Variants in SREBF1 observed in about 807,000 individuals in gnomAD.
SREBF1 encodes sterol regulatory element-binding protein 1.
A neutral mutation model predicts 100.1 loss-of-function variants in SREBF1; 45 were observed. The ratio of observed to expected loss-of-function variants is 0.45; its 90% CI spans 0.35 to 0.58. The LOEUF (loss-of-function observed/expected upper bound fraction) is 0.58. Among genes scored for constraint, SREBF1 ranks in the 20% least tolerant of loss-of-function variants. The pLI is 0.00. For synonymous variants in SREBF1, 657 were observed against 681.8 expected, an observed-to-expected ratio of 0.96 and a Z score of 0.57; for missense variants, 1,324 against 1,539.4, an observed-to-expected ratio of 0.86 and a Z score of 2.34.
chr17:17,822,934 A>C lies in SREBF1; in HGVS notation c.92-2413T>G, dbSNP rs559111955. Among the ~76,000 whole-genome samples the C allele has an allele frequency of 3.3e-5, 5 of 152,254 alleles. No individual in the cohort carries two copies. The East Asian group carries it at 9.7e-4, about 29-fold the overall frequency. On this transcript the variant is annotated intron_variant, in intron 1 of 18. Coordinates refer to ENST00000261646, the MANE Select transcript of SREBF1 (RefSeq NM_004176.5). Reference sequence around the variant, plus strand: ...GCAGCCCCAGTCTTCCTGGCTTCTCAAGTAGAAACTCTCCTGGTTTGTGGA... The same window carrying C: ...GCAGCCCCAGTCTTCCTGGCTTCTCCAGTAGAAACTCTCCTGGTTTGTGGA...
Position 17,812,758 on chromosome 17 carries a change from G to T in SREBF1, c.3308C>A (p.Ser1103Ter). 1.3e-6 allele frequency: 2 copies of T among 1,542,986 alleles called. No homozygotes were observed. The highest frequency in any genetic ancestry group is 1.7e-6 in the Non-Finnish European group (2 of 1,144,290). ...ASCYLPPGFL[S>*]APGQRVGMLA... Reference sequence around the variant, plus strand: ...CATGCCCACGCGCTGCCCGGGCGCCGACAGGAAGCCGGGGGGCAGGTAGCA... The same window carrying T: ...CATGCCCACGCGCTGCCCGGGCGCCTACAGGAAGCCGGGGGGCAGGTAGCA... The change falls in exon 19 of 19, where the codon TCG becomes TAG. Residue 1103 changes from serine to a stop codon, truncating the protein, a stop_gained. Transcript: ENST00000261646. LOFTEE classifies it high-confidence loss of function.
intron 9 of SREBF1, 98 bp downstream of exon 9, chr17:17,816,860 T>G: frequency 6.3e-7 from 1 of 1,595,266 alleles, no homozygotes; most frequent in Non-Finnish European, 8.5e-7. Context: ...CGGGACAGAT[T>G]CATGGTGTGC....
rs2033468035 is a variant in SREBF1 at position 17,815,542 on chromosome 17, G to C, written c.2384-213C>G. On this transcript the variant is annotated intron_variant, in intron 12 of 18. Coordinates refer to ENST00000261646, the MANE Select transcript of SREBF1 (RefSeq NM_004176.5). Reference sequence around the variant, plus strand: ...TGGCCAGGAGACAACACTGAGGCCTGCCCTACACTGCTTCCAAAGGAAAAC... The same window carrying C: ...TGGCCAGGAGACAACACTGAGGCCTCCCCTACACTGCTTCCAAAGGAAAAC... 2.7e-5 allele frequency: 16 copies of C among 597,602 alleles called. No homozygotes were observed. The East Asian group carries it at 4.4e-4, about 17-fold the overall frequency. 37.0% of individuals were successfully genotyped at this position (597,602 alleles called of 1,614,324 possible). A position where few individuals can be genotyped will look rare whatever the true frequency, so the allele number is the denominator to read the frequency against.
chr17:17,835,599 C>A (rs1262256837), intron 1 of SREBF1, among the ~76,000 whole-genome samples: 2 of 152,218 alleles, frequency 1.3e-5, no homozygotes, highest in Non-Finnish European at 2.9e-5. Context: ...CGACCTTGGC[C>A]TCAGTTTCCT....
rs572936794 is a variant in SREBF1, at chr17:17,826,252, C to T, written c.92-5731G>A. ...AGTTGCCTGATACTTGCAGTATTCA[C>T]GTTGGAGCTCCATTACCATTCGACT... On this transcript the variant is annotated intron_variant, in intron 1 of 18. Coordinates refer to ENST00000261646, the MANE Select transcript of SREBF1 (RefSeq NM_004176.5). Among the ~76,000 whole-genome samples the T allele has an allele frequency of 3.3e-5, 5 of 150,732 alleles. No individual in the cohort carries two copies. The South Asian group carries it at 8.4e-4, about 25-fold the overall frequency.
intron 11 of SREBF1, 59 bp from the exon 12 acceptor site, chr17:17,816,087 C>A: frequency 6.3e-7 from 1 of 1,592,862 alleles, no homozygotes; most frequent in East Asian, 2.2e-5. Context: ...GACCCCGGGC[C>A]GAGTCCCAGC....
At chr17:17,821,729 G>A (rs556767314) in intron 1 of SREBF1, among the ~76,000 whole-genome samples, 4 of 152,242 alleles carry the variant, frequency 2.6e-5, no homozygotes, top group Admixed American at 2.0e-4. Flanking sequence ...CTAGGGCAGC[G>A]CAGGATCCCC....
At chr17:17,812,917 C>T in intron 18 of SREBF1, 66 bp from the exon 19 acceptor site, 1 of 1,388,792 alleles carries the variant, frequency 7.2e-7, no homozygotes, top group Non-Finnish European at 9.4e-7. Context: ...GAGCCCTGCC[C>T]ACACACAAGC....
In SREBF1 at chr17:17,812,817, C is replaced by T. The variant is rs554229124; in HGVS notation, c.3249G>A (p.Arg1083=). The T allele has an allele frequency of 2.7e-6, 4 of 1,481,024 alleles. No homozygotes were observed. The highest frequency in any genetic ancestry group is 1.3e-5 in the South Asian group (1 of 76,048). The allele number at this position is 1,481,024 out of a possible 1,614,324, so 91.7% of individuals were successfully genotyped here. Residue 1083 remains arginine (R), a synonymous_variant, in exon 19 of 19, where the codon CGG becomes CGA. Transcript: ENST00000261646. ...AVAELEPRPT[R]REHAEALLLA... ...GCAGCAAGGCCTCCGCGTGCTCCCGCCGCGTGGGCCGCGGCTCCAGCTCCG... is the reference window on the plus strand; with the variant it reads ...GCAGCAAGGCCTCCGCGTGCTCCCGTCGCGTGGGCCGCGGCTCCAGCTCCG...
chr17:17,830,833 TG>T (rs2034815267), intron 1 of SREBF1, among the ~76,000 whole-genome samples: 1 of 152,162 alleles, frequency 6.6e-6, no homozygotes, highest in Admixed American at 6.5e-5. Context: ...CAGCCGCCCC[TG>T]TGGAGCACAT....
intron 1 of SREBF1, chr17:17,823,657 C>A: frequency 8.2e-7 from 1 of 1,225,462 alleles, no homozygotes; most frequent in Non-Finnish European, 1.1e-6. Context: ...GCGGCGCGCC[C>A]GCCCCGCCCC....
chr17:17,815,895 G>A lies in SREBF1; in HGVS notation c.2348C>T (p.Pro783Leu). Residue 783 changes from proline to leucine, a missense_variant, in exon 12 of 19, where the codon CCA (proline) becomes CTA (leucine). Pro to Leu is a moderately conservative substitution (Grantham distance 98, BLOSUM62 -3). Transcript: ENST00000261646. The stretch of plus-strand genomic sequence containing the variant: ...GGCCAAGCTGTACAGGCTCTCCCAT[G>A]GGGTACTGAGCACGGACCAGTCCCC... ...VDGDWSVLST[P>L]WESLYSLAGN... 6.2e-7 allele frequency: 1 copy of A among 1,612,992 alleles called. No homozygotes were observed. The highest frequency in any genetic ancestry group is 8.5e-7 in the Non-Finnish European group (1 of 1,179,924).
In SREBF1 at chr17:17,819,192, C is replaced by A; in HGVS notation, c.889G>T (p.Val297Phe). The A allele has an allele frequency of 6.2e-7, 1 of 1,614,188 alleles. No homozygotes were observed. Among genetic ancestry groups the A allele is most frequent in the Non-Finnish European group, 8.5e-7 (1 of 1,180,052 alleles). The stretch of plus-strand genomic sequence containing the variant: ...ATAGGCAGCTTCTCCGCATCTACGA[C>A]CAGTGGGACTGTTGCCAAGATGGTT... The part of the protein sequence containing the change: ...GGTILATVPL[V>F]VDAEKLPINR... Residue 297 changes from valine (V) to phenylalanine (F), a missense_variant, in exon 5 of 19, where the codon GTC (valine) becomes TTC (phenylalanine). Transcript: ENST00000261646.
At chr17:17,831,850 C>A (rs987247950) in intron 1 of SREBF1, among the ~76,000 whole-genome samples, 1 of 152,222 alleles carries the variant, frequency 6.6e-6, no homozygotes, top group Non-Finnish European at 1.5e-5. Flanking sequence ...ATGGAGGCAG[C>A]TCCATCCCCA....
Position 17,814,927 on chromosome 17 carries a change from A to T in SREBF1, c.2510T>A (p.Leu837His). 1.9e-6 allele frequency: 3 copies of T among 1,568,720 alleles called. No individual in the cohort carries two copies. The highest frequency in any genetic ancestry group is 2.6e-6 in the Non-Finnish European group (3 of 1,157,018). Reference protein sequence around the residue: ...ADGDKEFSDALGYLQLLNSCS... With the variant: ...ADGDKEFSDAHGYLQLLNSCS... ...GCTGTTCAGCAGCTGCAGGTACCCG[A>T]GGGCATCCGAGAATTCCCTGTGGAA... Residue 837 changes from leucine (L) to histidine (H), a missense_variant, in exon 14 of 19, where the codon CTC (leucine) becomes CAC (histidine). Leu to His is a moderately conservative substitution (Grantham distance 99). Transcript: ENST00000261646.
At chr17:17,834,023 C>CAGAGAG (rs2035070153) in intron 1 of SREBF1, among the ~76,000 whole-genome samples, 2 of 148,296 alleles carry the variant, frequency 1.3e-5, no homozygotes, top group Admixed American at 6.7e-5. Context: ...CACATATAAA[C>CAGAGAG]ACACAGAGAG....
At position 17,817,759 on chromosome 17, in the gene SREBF1, G is replaced by C. The variant is rs751121039; in HGVS notation, c.1341C>G (p.Gly447=). Residue 447 remains glycine, a synonymous_variant, in exon 7 of 19, where the codon GGC becomes GGG. Transcript: ENST00000261646. The surrounding 1 kb of genome is among the most constrained non-coding windows in gnomAD (Gnocchi z 6.6). ...QSSPLSLGSR[G]SGSGGSGSDS... is the part of the protein sequence containing the mutation. ...CACTGCCACTGCCACCGCTGCCACTGCCCCTGCTGCCAAGGGACAAGGGGC... is the reference window on the plus strand; with the variant it reads ...CACTGCCACTGCCACCGCTGCCACTCCCCCTGCTGCCAAGGGACAAGGGGC... 6.2e-7 allele frequency: 1 copy of C among 1,613,698 alleles called. No homozygotes were observed. Among genetic ancestry groups the C allele is most frequent in the South Asian group, 1.1e-5 (1 of 91,078 alleles).
chr17:17,814,344 C>T lies in SREBF1; in HGVS notation c.2802G>A (p.Lys934=). The change falls in exon 16 of 19, where the codon AAG becomes AAA. Residue 934 remains lysine, a synonymous_variant. Coordinates refer to ENST00000261646, the MANE Select transcript of SREBF1 (RefSeq NM_004176.5). The stretch of plus-strand genomic sequence containing the variant: ...TCAGGCTGGCTGGACCAGACTCTGC[C>T]TTGGCACAGCCCAGCAGGGCCCGGG... ...KAARALLGCA[K]AESGPASLTI... is the part of the protein sequence containing the mutation. 6.3e-7 allele frequency: 1 copy of T among 1,583,460 alleles called. No homozygotes were observed. Among genetic ancestry groups the T allele is most frequent in the Non-Finnish European group, 8.6e-7 (1 of 1,164,760 alleles).
chr17:17,832,449 C>G lies in SREBF1; in HGVS notation c.91+4278G>C, dbSNP rs1028194779. 1.7e-4 allele frequency among the ~76,000 whole-genome samples: 26 copies of G among 152,230 alleles called. 1 individual carries two copies. Among genetic ancestry groups the G allele is most frequent in the Non-Finnish European group, 5.9e-5 (4 of 68,044 alleles). ...TGGCACTCAAGGCCAGCCTGGCCCC[C>G]TCTTATCCCTCATGTCTCTCAAGGG... On this transcript the variant is annotated intron_variant, in intron 1 of 18. Coordinates refer to ENST00000261646, the MANE Select transcript of SREBF1 (RefSeq NM_004176.5).
Sources: allele counts gnomAD v4.1 joint callset (sites outside exome capture counted in the v4.1 genomes callset), GRCh38; gene constraint gnomAD v4.1.1; non-coding constraint Gnocchi (gnomAD v3.1); transcripts MANE v1.5; gene names NCBI Gene and HGNC (gene_info 2026-07-23, HGNC 2026-07-21).